OVCH2: variants seen among roughly 807,000 people sequenced by gnomAD.
OVCH2 encodes the protein ovochymase-2.
A neutral mutation model predicts 73.7 loss-of-function variants in OVCH2; 88 were observed. That is an observed-to-expected ratio of 1.19 (90% CI 1.01 to 1.43). The LOEUF (loss-of-function observed/expected upper bound fraction) is 1.43. OVCH2 is among the 40% of genes most tolerant of loss of function. The pLI is 0.00. For missense variants in OVCH2, 706 were observed against 674.5 expected (o/e 1.05, Z -0.52); for synonymous variants, 265 against 234.5 (o/e 1.13, Z -1.19).
the OVCH2 span, among the ~76,000 whole-genome samples, chr11:7,683,709 A>G: frequency 6.6e-6 from 1 of 152,132 alleles, no homozygotes; most frequent in African/African-American, 2.4e-5. Flanking sequence ...CCCCATGCTC[A>G]TGACTCTCCA....
At chr11:7,688,724 C>G (rs1328697083), downstream of OVCH2, among the ~76,000 whole-genome samples, 1 of 152,248 alleles carries the variant, frequency 6.6e-6, no homozygotes, top group Non-Finnish European at 1.5e-5. Flanking sequence ...ACCTCATCTT[C>G]TGCCTGCTCT....
intron 12 of OVCH2, among the ~76,000 whole-genome samples, chr11:7,693,668 GC>G (rs1403522181): frequency 1.3e-5 from 2 of 151,952 alleles, no homozygotes; most frequent in Non-Finnish European, 2.9e-5. Flanking sequence ...TGAAATTTTT[GC>G]CCCAAATCTG....
Position 7,701,484 on chromosome 11 carries a change from CAG to C in OVCH2, c.560-11_560-10del. 3 of 1,607,886 alleles carry C rather than the reference CAG, an allele frequency of 1.9e-6. No individual in the cohort carries two copies. The East Asian group carries it at 6.7e-5, about 36-fold the overall frequency. The stretch of plus-strand genomic sequence containing the variant: ...TTGTGAGAGGACGCCACCTGAAAAA[CAG>C]AGAGATGGAAGCCCCAGCAGGAACT... On this transcript the variant is annotated splice_polypyrimidine_tract_variant and intron_variant, in intron 5 of 15. Coordinates refer to ENST00000533663, the MANE Select transcript of OVCH2 (RefSeq NM_198185.7).
intron 3 of OVCH2, 120 bp downstream of exon 3, chr11:7,703,578 A>C: frequency 4.1e-6 from 3 of 736,844 alleles, no homozygotes; most frequent in Non-Finnish European, 6.4e-6. Context: ...TAGGATATTC[A>C]TCTGTTAAAC....
chr11:7,686,469 C>G (rs1292468551), downstream of OVCH2, among the ~76,000 whole-genome samples: 2 of 152,222 alleles, frequency 1.3e-5, no homozygotes, highest in Non-Finnish European at 2.9e-5. Context: ...AGCTGCCATT[C>G]TCTCATGATG....
chr11:7,697,384 G>A (rs528402577), intron 8 of OVCH2, among the ~76,000 whole-genome samples: 2 of 152,194 alleles, frequency 1.3e-5, no homozygotes, highest in South Asian at 2.1e-4. Flanking sequence ...TATAAGTGCA[G>A]GTATTTCCCA....
At chr11:7,698,816 C>A (rs1256037146) in intron 7 of OVCH2, 43 bp from the exon 8 acceptor site, 1 of 1,602,882 alleles carries the variant, frequency 6.2e-7, no homozygotes. Flanking sequence ...CCTGTGGTAT[C>A]CTGAACAACG....
intron 2 of OVCH2, among the ~76,000 whole-genome samples, chr11:7,704,084 G>A (rs1024652758): frequency 6.6e-6 from 1 of 152,176 alleles, no homozygotes; most frequent in African/African-American, 2.4e-5. Context: ...CACAGTTGAT[G>A]CAGACCTGTT....
At position 7,701,387 on chromosome 11, in the gene OVCH2, C is replaced by A. The variant is rs747868467; in HGVS notation, c.648G>T (p.Arg216Ser). Residue 216 changes from arginine (R) to serine (S), a missense_variant, in exon 6 of 16, where the codon AGG becomes AGT. Physicochemically the swap from Arg to Ser is moderately radical, Grantham distance 110 (BLOSUM62 -1). Coordinates refer to ENST00000533663, the MANE Select transcript of OVCH2 (RefSeq NM_198185.7). The stretch of plus-strand genomic sequence containing the variant: ...AAAGAAAGGTCTTCCCACTGATGGG[C>A]CTCTTTAGTGTTAACAGAGCTGCCA... ...ECVAALLTLKRPISGKTFLCT... is the reference protein window; with the variant it reads ...ECVAALLTLKSPISGKTFLCT... 6.8e-6 allele frequency: 11 copies of A among 1,613,094 alleles called. No individual in the cohort carries two copies. Among genetic ancestry groups the A allele is most frequent in the Non-Finnish European group, 9.3e-6 (11 of 1,179,642 alleles).
intron 13 of OVCH2, among the ~76,000 whole-genome samples, chr11:7,691,604 A>T (rs1335693229): frequency 6.6e-6 from 1 of 152,200 alleles, no homozygotes; most frequent in East Asian, 1.9e-4. Flanking sequence ...ACACTCCCAC[A>T]CACAATGATG....
At chr11:7,680,302 G>A in the OVCH2 span, among the ~76,000 whole-genome samples, 1 of 152,204 alleles carries the variant, frequency 6.6e-6, no homozygotes, top group African/African-American at 2.4e-5. Flanking sequence ...AGTGTCTACT[G>A]GAGAATTGCT....
At position 7,690,021 on chromosome 11, in the gene OVCH2, T is replaced by TA. The variant is rs1355158787; in HGVS notation, c.1640-9dup. 3.4e-6 allele frequency: 5 copies of TA among 1,485,664 alleles called. No homozygotes were observed. The highest frequency in any genetic ancestry group is 4.5e-6 in the Non-Finnish European group (5 of 1,101,518). 92.0% of individuals were successfully genotyped at this position (1,485,664 alleles called of 1,614,324 possible). On this transcript the variant is annotated splice_polypyrimidine_tract_variant and intron_variant, in intron 14 of 15. Transcript: ENST00000533663. ...TGTTTAAATCTGGGTATACTGGGTA[T>TA]AAGTATGATACAATTACTCAGTTTC...
chr11:7,679,756 C>A, the OVCH2 span, among the ~76,000 whole-genome samples: 1 of 152,174 alleles, frequency 6.6e-6, no homozygotes, highest in East Asian at 1.9e-4. Context: ...TTGGATGGAA[C>A]CTTCAGCATC....
Position 7,702,278 on chromosome 11 carries a change from C to A in OVCH2, c.342G>T (p.Gln114His), listed in dbSNP as rs968981246. 1 of 1,612,014 alleles carries A rather than the reference C, an allele frequency of 6.2e-7. No homozygotes were observed. Among genetic ancestry groups the A allele is most frequent in the Non-Finnish European group, 8.5e-7 (1 of 1,179,162 alleles). Reference sequence around the variant, plus strand: ...TGAGAGTTTGCTCTCCTGGGTCTGTCTGGCTTAAGTCATACTCTCCAGCAG... The same window carrying A: ...TGAGAGTTTGCTCTCCTGGGTCTGTATGGCTTAAGTCATACTCTCCAGCAG... ...NVTAGEYDLSQTDPGEQTLTI... is the reference protein window; with the variant it reads ...NVTAGEYDLSHTDPGEQTLTI... Residue 114 changes from glutamine to histidine, a missense_variant, in exon 4 of 16, where the codon CAG (glutamine) becomes CAT (histidine). By Grantham distance (24) the Gln-to-His change is conservative. Transcript: ENST00000533663.
intron 1 of OVCH2, 137 bp from the exon 2 acceptor site, chr11:7,704,811 T>C: frequency 3.3e-6 from 2 of 601,774 alleles, no homozygotes; most frequent in East Asian, 5.8e-5. Context: ...TCAATAAATC[T>C]TTATTGGATT....
chr11:7,706,316 G>A lies in OVCH2; in HGVS notation c.79C>T (p.Leu27Phe). Residue 27 changes from leucine to phenylalanine, a missense_variant, in exon 1 of 16, where the codon CTC becomes TTC. Leu to Phe is a conservative substitution (Grantham distance 22, BLOSUM62 0). Coordinates refer to ENST00000533663, the MANE Select transcript of OVCH2 (RefSeq NM_198185.7). ...FERGKSATLS[L>F]PKAPSCGQSL... ...TTCATTTGAAACTTACCTTTGGGGA[G>A]CGAAAGAGTTGCAGATTTACCTCGT... is the stretch of plus-strand genomic sequence containing the variant. 1 of 1,586,608 alleles carries A rather than the reference G, an allele frequency of 6.3e-7. No homozygotes were observed. Among genetic ancestry groups the A allele is most frequent in the Non-Finnish European group, 8.6e-7 (1 of 1,165,040 alleles).
the OVCH2 span, among the ~76,000 whole-genome samples, chr11:7,683,385 T>C: frequency 6.6e-6 from 1 of 152,152 alleles, no homozygotes; most frequent in Non-Finnish European, 1.5e-5. Context: ...ATATCCAATA[T>C]ATCAGGGGAT....
At chr11:7,693,012 G>A (rs1590903754) in intron 12 of OVCH2, among the ~76,000 whole-genome samples, 2 of 152,258 alleles carry the variant, frequency 1.3e-5, no homozygotes, top group South Asian at 2.1e-4. Flanking sequence ...TTTGTTTCAG[G>A]AAAAGGGAGG....
chr11:7,695,729 G>A lies in OVCH2; in HGVS notation c.1142-19C>T, dbSNP rs200181780. Reference sequence around the variant, plus strand: ...AATTTTCCTGCAGGATGAGAAAAAAGGATTCTTTGTTCAGAATCTAGAAAA... The same window carrying A: ...AATTTTCCTGCAGGATGAGAAAAAAAGATTCTTTGTTCAGAATCTAGAAAA... On this transcript the variant is annotated intron_variant, in intron 10 of 15. Coordinates refer to ENST00000533663, the MANE Select transcript of OVCH2 (RefSeq NM_198185.7). 3.1e-6 allele frequency: 5 copies of A among 1,594,696 alleles called. No individual in the cohort carries two copies. The highest frequency in any genetic ancestry group is 4.3e-6 in the Non-Finnish European group (5 of 1,170,186).
Sources: allele counts gnomAD v4.1 joint callset (sites outside exome capture counted in the v4.1 genomes callset), GRCh38; gene constraint gnomAD v4.1.1; transcripts MANE v1.5; gene names NCBI Gene and HGNC (gene_info 2026-07-23, HGNC 2026-07-21).